Variants in PARD3B observed in about 807,000 individuals in gnomAD.
PARD3B encodes par-3 family cell polarity regulator beta, also known as partitioning defective 3 homolog B.
In PARD3B, 103 loss-of-function variants were observed where a neutral mutation model predicts 130.2. That is an observed-to-expected ratio of 0.79 (90% confidence interval 0.67 to 0.93). The LOEUF (loss-of-function observed/expected upper bound fraction) is 0.93, where lower values mean the gene tolerates loss of function less well. Ranked by LOEUF, PARD3B falls within the 40% of genes least tolerant of loss-of-function variation. PARD3B has a pLI of 0.00. For synonymous variants in PARD3B, 583 were observed against 553.2 expected (o/e 1.05, Z -0.76); for missense variants, 1,609 against 1,499.2 (o/e 1.07, Z -1.21).
intron 3 of PARD3B, among the ~76,000 whole-genome samples, chr2:204,965,598 T>C (rs1559307499): frequency 6.6e-6 from 1 of 152,032 alleles, no homozygotes; most frequent in Non-Finnish European, 1.5e-5. Flanking sequence ...GCCTGTATCA[T>C]ATGAGTATAA....
At chr2:204,910,700 C>T (rs1201341293) in intron 2 of PARD3B, among the ~76,000 whole-genome samples, 2 of 152,120 alleles carry the variant, frequency 1.3e-5, no homozygotes, top group African/African-American at 2.4e-5. Flanking sequence ...AGTGCAGCGG[C>T]GTGATCTCGG....
At chr2:205,264,691 A>G (rs1445472835) in intron 16 of PARD3B, among the ~76,000 whole-genome samples, 1 of 151,042 alleles carries the variant, frequency 6.6e-6, no homozygotes, top group Non-Finnish European at 1.5e-5. Flanking sequence ...GTTTTGATCA[A>G]CTGACAAAAG....
rs2053611472 is a variant in PARD3B at position 205,572,974 on chromosome 2, C to G, written c.3260+19571C>G. 1.3e-5 allele frequency among the ~76,000 whole-genome samples: 2 copies of G among 152,168 alleles called. No individual in the cohort carries two copies. The highest frequency in any genetic ancestry group is 4.2e-4 in the South Asian group (2 of 4,818). Reference sequence around the variant, plus strand: ...GGCTAGGGAGGCCTCAGGAAACTTACAGTCATGGTAGAGGGGAAGCAAACA... The same window carrying G: ...GGCTAGGGAGGCCTCAGGAAACTTAGAGTCATGGTAGAGGGGAAGCAAACA... On this transcript the variant is annotated intron_variant, in intron 22 of 22. Transcript: ENST00000406610. The surrounding 1 kb of genome is among the most constrained non-coding windows in gnomAD (Gnocchi z 4.2).
chr2:205,368,522 C>T (rs2044690952), intron 18 of PARD3B, among the ~76,000 whole-genome samples: 1 of 152,012 alleles, frequency 6.6e-6, no homozygotes, highest in South Asian at 2.1e-4. Flanking sequence ...ATCCCAGCTA[C>T]TTGGGAGGCT....
chr2:205,124,856 C>T (rs1186867130), intron 9 of PARD3B, among the ~76,000 whole-genome samples: 3 of 152,168 alleles, frequency 2.0e-5, no homozygotes, highest in South Asian at 4.1e-4. Flanking sequence ...GCCAGAGTAT[C>T]TCAGGTCATT....
Position 205,359,010 on chromosome 2 carries a change from T to A in PARD3B, c.2631-42003T>A, listed in dbSNP as rs115533569. ...CTTTAAATTCGCAAACATTTCTGGA[T>A]CCTCCCTAGACCTGTGAAATCAGAA... is the stretch of plus-strand genomic sequence containing the variant. On this transcript the variant is annotated intron_variant, in intron 18 of 22. Transcript: ENST00000406610. 5.1e-3 allele frequency among the ~76,000 whole-genome samples: 771 copies of A among 152,252 alleles called. 2 individuals carry two copies. The highest frequency in any genetic ancestry group is 0.018 in the African/African-American group (744 of 41,538).
chr2:205,322,702 C>G (rs1356729239), intron 18 of PARD3B, among the ~76,000 whole-genome samples: 3 of 152,110 alleles, frequency 2.0e-5, no homozygotes, highest in South Asian at 4.2e-4. Flanking sequence ...TCCTTTTCTT[C>G]CTTCTCTGTG....
rs557143420 is a variant in PARD3B, at chr2:204,820,071, CTTTTTTT to C, written c.222+133804_222+133810del. 4.2e-3 allele frequency among the ~76,000 whole-genome samples: 412 copies of C among 98,422 alleles called. 1 individual carries two copies. Among genetic ancestry groups the C allele is most frequent in the Non-Finnish European group, 5.6e-3 (303 of 54,446 alleles). The allele number at this position is 98,422 out of a possible 152,430, so 64.6% of individuals were successfully genotyped here. A position where few individuals can be genotyped will look rare whatever the true frequency, so the allele number is the denominator to read the frequency against. On this transcript the variant is annotated intron_variant, in intron 2 of 22. Transcript: ENST00000406610. Reference sequence around the variant, plus strand: ...GAAGGTGGCTACATTAAACAATAGACTTTTTTTTTTTTTTTTTTTTTGAGACGGAGTG... The same window carrying C: ...GAAGGTGGCTACATTAAACAATAGACTTTTTTTTTTTTTTGAGACGGAGTG...
chr2:204,686,151 G>T, intron 1 of PARD3B, 30 bp from the exon 2 acceptor site: 1 of 1,415,630 alleles, frequency 7.1e-7, no homozygotes, highest in Non-Finnish European at 1.0e-6. Context: ...CATAGATTAG[G>T]TCATTAAACT....
At chr2:204,752,251 T>A (rs2040493470) in intron 2 of PARD3B, among the ~76,000 whole-genome samples, 1 of 152,168 alleles carries the variant, frequency 6.6e-6, no homozygotes. Context: ...TATGGGGCAA[T>A]CTTTATGTCT....
rs148781282 is a variant in PARD3B at position 205,292,889 on chromosome 2, C to G, written c.2186-7641C>G. 1.7e-3 allele frequency among the ~76,000 whole-genome samples: 261 copies of G among 152,258 alleles called. 2 individuals carry two copies. Among genetic ancestry groups the G allele is most frequent in the African/African-American group, 6.2e-3 (257 of 41,544 alleles). The stretch of plus-strand genomic sequence containing the variant: ...GCACAGTTATGAGCCACAAAAAATA[C>G]CCAGTAAATAATTGTCAACAGCTGA... On this transcript the variant is annotated intron_variant, in intron 16 of 22. Coordinates refer to ENST00000406610, the MANE Select transcript of PARD3B (RefSeq NM_001302769.2). The surrounding 1 kb of genome is among the most constrained non-coding windows in gnomAD (Gnocchi z 5.3).
chr2:205,061,526 A>G (rs1201743589), intron 4 of PARD3B, among the ~76,000 whole-genome samples: 4 of 152,146 alleles, frequency 2.6e-5, no homozygotes, highest in Non-Finnish European at 5.9e-5. Flanking sequence ...TTCTTAGAAC[A>G]CATGGTAAGC....
intron 15 of PARD3B, among the ~76,000 whole-genome samples, chr2:205,200,542 C>G (rs969981039): frequency 5.9e-5 from 9 of 152,046 alleles, no homozygotes; most frequent in Non-Finnish European, 1.3e-4. Flanking sequence ...GATGATTTCT[C>G]CAGAATTGAA....
In PARD3B at chr2:205,418,076, T is replaced by C. The variant is rs2046841874; in HGVS notation, c.2741+16953T>C. 2.0e-5 allele frequency among the ~76,000 whole-genome samples: 3 copies of C among 152,212 alleles called. No individual in the cohort carries two copies. In the South Asian group the frequency reaches 6.2e-4, roughly 31 times the overall value. On this transcript the variant is annotated intron_variant, in intron 19 of 22. Transcript: ENST00000406610. ...TTACTTGGTCACTTCAGTGGAATAG[T>C]TCCCAATTTCAGGCCTAAAAGCTTA...
intron 3 of PARD3B, among the ~76,000 whole-genome samples, chr2:204,983,259 T>A (rs944569959): frequency 7.2e-5 from 11 of 152,126 alleles, no homozygotes; most frequent in African/African-American, 2.7e-4. Context: ...CTCAAAAAAA[T>A]TGGTGTTATT....
At chr2:205,545,463 C>G (rs2052341470) in intron 21 of PARD3B, among the ~76,000 whole-genome samples, 1 of 152,208 alleles carries the variant, frequency 6.6e-6, no homozygotes, top group African/African-American at 2.4e-5. Context: ...ATGAAAGGCA[C>G]ATTTCCTAAA....
At chr2:205,503,001 CTCCCCT>C (rs2050212456) in intron 21 of PARD3B, among the ~76,000 whole-genome samples, 2 of 138,870 alleles carry the variant, frequency 1.4e-5, no homozygotes, top group African/African-American at 5.2e-5. Flanking sequence ...CCCTTATCCC[CTCCCCT>C]CTCCCCTCTC....
In PARD3B at chr2:205,021,857, A is replaced by G. The variant is rs895184864; in HGVS notation, c.395-25724A>G. ...AGCACTGGTTTTATTCCTACACTTT[A>G]CCCCCTCCATTGTAAGGGTACTAAA... On this transcript the variant is annotated intron_variant, in intron 3 of 22. Coordinates refer to ENST00000406610, the MANE Select transcript of PARD3B (RefSeq NM_001302769.2). The surrounding 1 kb of genome is among the most constrained non-coding windows in gnomAD (Gnocchi z 4.5). Among the ~76,000 whole-genome samples the G allele has an allele frequency of 2.6e-5, 4 of 151,820 alleles. No individual in the cohort carries two copies. Among genetic ancestry groups the G allele is most frequent in the African/African-American group, 9.7e-5 (4 of 41,326 alleles).
chr2:204,716,138 AT>A (rs2038711162), intron 2 of PARD3B, among the ~76,000 whole-genome samples: 1 of 152,186 alleles, frequency 6.6e-6, no homozygotes, highest in Non-Finnish European at 1.5e-5. Flanking sequence ...ATAAATGCTT[AT>A]TGAATAAATA....
Sources: allele counts gnomAD v4.1 joint callset (sites outside exome capture counted in the v4.1 genomes callset), GRCh38; gene constraint gnomAD v4.1.1; non-coding constraint Gnocchi (gnomAD v3.1); transcripts MANE v1.5; gene names NCBI Gene and HGNC (gene_info 2026-07-23, HGNC 2026-07-21).